PCDHA3: variants seen among roughly 807,000 people sequenced by gnomAD.
PCDHA3 encodes protocadherin alpha-3.
Under a neutral mutation model 62.2 loss-of-function variants are expected in PCDHA3, and 41 were observed. That is an observed-to-expected ratio of 0.66 (90% CI 0.51 to 0.86). The LOEUF is 0.86. Among genes scored for constraint, PCDHA3 ranks in the 40% least tolerant of loss-of-function variants. The pLI is 0.00. For synonymous variants in PCDHA3, 640 were observed against 555.4 expected (o/e 1.15, Z -2.14); for missense variants, 1,304 against 1,241.2 (o/e 1.05, Z -0.76).
intron 1 of PCDHA3, chr5:140,928,707 C>T: frequency 6.2e-7 from 1 of 1,614,184 alleles, no homozygotes; most frequent in South Asian, 1.1e-5. Flanking sequence ...GGGCGTCTGA[C>T]TCTAGTCTCT....
chr5:140,877,236 C>T, intron 1 of PCDHA3: 8 of 1,613,686 alleles, frequency 5.0e-6, no homozygotes, highest in Non-Finnish European at 6.8e-6. Context: ...TGGGTGCGGG[C>T]CACGTGGTGG....
chr5:140,884,547 C>G, intron 1 of PCDHA3: 1 of 1,614,214 alleles, frequency 6.2e-7, no homozygotes, highest in East Asian at 2.2e-5. Context: ...AGGGTGTGCT[C>G]TGGGGAGGGC....
Position 140,834,957 on chromosome 5 carries a change from C to G in PCDHA3, c.2394+31366C>G, listed in dbSNP as rs1222102897. 5.9e-6 allele frequency: 9 copies of G among 1,532,830 alleles called. No homozygotes were observed. In the African/African-American group the frequency reaches 1.2e-4, roughly 20 times the overall value. The allele number at this position is 1,532,830 out of a possible 1,614,324, so 95.0% of individuals were successfully genotyped here. On this transcript the variant is annotated intron_variant, in intron 1 of 3. Coordinates refer to ENST00000522353, the MANE Select transcript of PCDHA3 (RefSeq NM_018906.3). ...AACCAGCAACCAGCAGGTAAAACCT[C>G]TTGGACTTGTATTACGGAAACTTTT...
chr5:140,842,539 G>C lies in PCDHA3; in HGVS notation c.2394+38948G>C, dbSNP rs182995378. Reference sequence around the variant, plus strand: ...TGTCCACCTTCAAGAATTACTACTCGTTGGTGCTGGACAGCGCCCTGGACC... The same window carrying C: ...TGTCCACCTTCAAGAATTACTACTCCTTGGTGCTGGACAGCGCCCTGGACC... On this transcript the variant is annotated intron_variant, in intron 1 of 3. Coordinates refer to ENST00000522353, the MANE Select transcript of PCDHA3 (RefSeq NM_018906.3). 2.7e-5 allele frequency: 43 copies of C among 1,610,552 alleles called. 1 individual carries two copies. In the East Asian group the frequency reaches 8.7e-4, roughly 33 times the overall value.
rs2150351247 is a variant in PCDHA3, at chr5:140,843,055, C to T, written c.2394+39464C>T. The stretch of plus-strand genomic sequence containing the variant: ...TGGGTGGCACTGGTGGCGCAGCGAG[C>T]AAGCTGGTGCCGCGGTCTGTGGGCG... On this transcript the variant is annotated intron_variant, in intron 1 of 3. Coordinates refer to ENST00000522353, the MANE Select transcript of PCDHA3 (RefSeq NM_018906.3). 5 of 1,595,064 alleles carry T rather than the reference C, an allele frequency of 3.1e-6. 1 individual carries two copies. Among genetic ancestry groups the T allele is most frequent in the Non-Finnish European group, 4.3e-6 (5 of 1,165,218 alleles).
intron 1 of PCDHA3, among the ~76,000 whole-genome samples, chr5:140,846,226 T>G (rs2150386125): frequency 1.3e-5 from 2 of 149,694 alleles, no homozygotes; most frequent in African/African-American, 4.9e-5. Context: ...ATAGTATTTT[T>G]CTTAAAAAGA....
At chr5:140,938,881 A>T (rs2092243650) in intron 1 of PCDHA3, among the ~76,000 whole-genome samples, 1 of 152,088 alleles carries the variant, frequency 6.6e-6, no homozygotes, top group South Asian at 2.1e-4. Context: ...GAAGCAACAC[A>T]CACACACACA....
chr5:140,881,909 G>A (rs941994896), intron 1 of PCDHA3: 2 of 230,500 alleles, frequency 8.7e-6, no homozygotes, highest in Non-Finnish European at 1.7e-5. Context: ...AATATAAAAT[G>A]TTGAGCAGAA....
Position 140,822,585 on chromosome 5 carries a change from G to A in PCDHA3, c.2394+18994G>A, listed in dbSNP as rs2150117508. 1.4e-5 allele frequency: 22 copies of A among 1,612,046 alleles called. No individual in the cohort carries two copies. The East Asian group carries it at 3.8e-4, about 28-fold the overall frequency. ...AACTGAACGCCTCAGATGCAGATGA[G>A]GGCATCAATAAGGAAATAGTGTATT... On this transcript the variant is annotated intron_variant, in intron 1 of 3. Coordinates refer to ENST00000522353, the MANE Select transcript of PCDHA3 (RefSeq NM_018906.3).
rs782212623 is a variant in PCDHA3 at position 140,927,250 on chromosome 5, A to G, written c.2395-51699A>G. On this transcript the variant is annotated intron_variant, in intron 1 of 3. Coordinates refer to ENST00000522353, the MANE Select transcript of PCDHA3 (RefSeq NM_018906.3). ...GATTCACGTCCTGGACACCAATGACAACTCACCTCTCTTTCCTGCCGGCGA... is the reference window on the plus strand; with the variant it reads ...GATTCACGTCCTGGACACCAATGACGACTCACCTCTCTTTCCTGCCGGCGA... 1.9e-6 allele frequency: 3 copies of G among 1,614,046 alleles called. 1 individual carries two copies. The highest frequency in any genetic ancestry group is 2.5e-6 in the Non-Finnish European group (3 of 1,180,004).
chr5:140,887,670 C>A (rs368430565), intron 1 of PCDHA3, among the ~76,000 whole-genome samples: 2 of 151,988 alleles, frequency 1.3e-5, no homozygotes, highest in Non-Finnish European at 2.9e-5. Flanking sequence ...GTGGATTTAT[C>A]ATTTTCATCA....
At chr5:140,809,613 TTTCTC>T in intron 1 of PCDHA3, 1 of 1,520,660 alleles carries the variant, frequency 6.6e-7, no homozygotes, top group Non-Finnish European at 8.8e-7. Flanking sequence ...TCGTATTGTT[TTTCTC>T]TATCAACTTC....
chr5:140,995,180 A>C (rs1014057978), intron 3 of PCDHA3, among the ~76,000 whole-genome samples: 4 of 152,190 alleles, frequency 2.6e-5, no homozygotes, highest in African/African-American at 9.7e-5. Context: ...AGGTGCACCT[A>C]TGATAAAGTT....
intron 2 of PCDHA3, among the ~76,000 whole-genome samples, chr5:140,980,036 G>T (rs952735379): frequency 6.6e-6 from 1 of 152,176 alleles, no homozygotes; most frequent in African/African-American, 2.4e-5. Context: ...ATTACATTGG[G>T]TGCTATTTCT....
In PCDHA3 at chr5:140,850,223, AGT is replaced by A. The variant is rs2041441871; in HGVS notation, c.2394+46634_2394+46635del. The A allele has an allele frequency of 1.0e-5, 16 of 1,593,640 alleles. 2 individuals carry two copies. Among genetic ancestry groups the A allele is most frequent in the Non-Finnish European group, 1.2e-5 (14 of 1,167,580 alleles). ...CTCGGATGAGGGGCACTGACGGCGC[AGT>A]GAGCGAGATGGTGCTGCGGTCGGTG... On this transcript the variant is annotated intron_variant, in intron 1 of 3. Transcript: ENST00000522353.
intron 1 of PCDHA3, among the ~76,000 whole-genome samples, chr5:140,939,732 G>C (rs2092446551): frequency 6.6e-6 from 1 of 152,168 alleles, no homozygotes; most frequent in African/African-American, 2.4e-5. Context: ...GTTGTGTGTA[G>C]CTGTGTATCA....
intron 1 of PCDHA3, chr5:140,884,609 G>T: frequency 6.2e-7 from 1 of 1,614,138 alleles, no homozygotes; most frequent in Non-Finnish European, 8.5e-7. Context: ...TCCTTGTCTG[G>T]GTTCTGCAGA....
At chr5:140,836,573 C>A (rs1247544483) in intron 1 of PCDHA3, 4 of 1,613,690 alleles carry the variant, frequency 2.5e-6, no homozygotes, top group South Asian at 2.2e-5. Context: ...CCTCTGAGGG[C>A]GCATGTAGTT....
intron 1 of PCDHA3, among the ~76,000 whole-genome samples, chr5:140,831,853 C>T (rs143262235): frequency 6.6e-6 from 1 of 152,240 alleles, no homozygotes; most frequent in East Asian, 1.9e-4. Context: ...TGTCATAAAG[C>T]TTTAGTAAGT....
Sources: allele counts gnomAD v4.1 joint callset (sites outside exome capture counted in the v4.1 genomes callset), GRCh38; gene constraint gnomAD v4.1.1; transcripts MANE v1.5; gene names NCBI Gene and HGNC (gene_info 2026-07-23, HGNC 2026-07-21).